Variants in CEP63 observed in about 807,000 individuals in gnomAD.
The protein encoded by CEP63 is centrosomal protein of 63 kDa.
In CEP63, 84 loss-of-function variants were observed where a neutral mutation model predicts 89.1. That is an observed-to-expected ratio of 0.94 (90% CI 0.79 to 1.13). The LOEUF is 1.13. Ranked by LOEUF, CEP63 falls within the 50% of genes most tolerant of loss-of-function variation. The pLI, the probability that CEP63 is intolerant of heterozygous loss-of-function variation, is 0.00. For missense variants in CEP63, 838 were observed against 813.3 expected (o/e 1.03, Z -0.37); for synonymous variants, 267 against 272.5 (o/e 0.98, Z 0.20).
the CEP63 span, among the ~76,000 whole-genome samples, chr3:134,755,375 A>C: frequency 2.6e-5 from 4 of 152,204 alleles, no homozygotes; most frequent in Non-Finnish European, 5.9e-5. Context: ...TCAGGTGATC[A>C]GCATCTCCGA....
intron 3 of CEP63, among the ~76,000 whole-genome samples, chr3:134,522,704 T>A (rs1369010153): frequency 6.6e-6 from 1 of 152,102 alleles, no homozygotes; most frequent in Non-Finnish European, 1.5e-5. Flanking sequence ...TAAGTGAGAA[T>A]ATGCGGTATT....
intron 6 of CEP63, among the ~76,000 whole-genome samples, chr3:134,544,064 G>T (rs1952647739): frequency 6.6e-6 from 1 of 151,970 alleles, no homozygotes; most frequent in South Asian, 2.1e-4. Flanking sequence ...TCTGGCTTAT[G>T]GGAAGTTTTT....
At position 134,537,222 on chromosome 3, in the gene CEP63, T is replaced by C; in HGVS notation, c.509T>C (p.Leu170Pro). Reference protein sequence around the residue: ...RLIYQQQVSSLEAQRKALAEQ... With the variant: ...RLIYQQQVSSPEAQRKALAEQ... The stretch of plus-strand genomic sequence containing the variant: ...ATTTATCAGCAACAGGTATCTTCAC[T>C]GGAGGCACAAAGGAAGGCTCTGGCT... Residue 170 changes from leucine (L) to proline (P), a missense_variant, in exon 6 of 15, where the codon CTG (leucine) becomes CCG (proline). Physicochemically the swap from Leu to Pro is moderately conservative, Grantham distance 98. Transcript: ENST00000675561. The C allele has an allele frequency of 1.2e-6, 2 of 1,613,954 alleles. No homozygotes were observed. The highest frequency in any genetic ancestry group is 2.7e-5 in the African/African-American group (2 of 75,048).
Position 134,534,353 on chromosome 3 carries a change from A to G in CEP63, c.441+1453A>G, listed in dbSNP as rs540886757. ...TTCCTTAGCTCTTGTCATTACCAAT[A>G]TATGCCACCCCTCTAGAATCTCATT... On this transcript the variant is annotated intron_variant, in intron 5 of 14. Coordinates refer to ENST00000675561, the MANE Select transcript of CEP63 (RefSeq NM_001353108.3). Among the ~76,000 whole-genome samples the G allele has an allele frequency of 3.3e-5, 5 of 152,296 alleles. No homozygotes were observed. The South Asian group carries it at 1.0e-3, about 32-fold the overall frequency.
the CEP63 span, among the ~76,000 whole-genome samples, chr3:134,672,966 A>G: frequency 6.6e-6 from 1 of 152,182 alleles, no homozygotes; most frequent in Admixed American, 6.5e-5. Flanking sequence ...TGAAGCTCCA[A>G]TCCTTGGTAG....
chr3:134,732,327 C>A, the CEP63 span, among the ~76,000 whole-genome samples: 5 of 152,060 alleles, frequency 3.3e-5, no homozygotes, highest in African/African-American at 1.2e-4. Flanking sequence ...GTAGAAGAAG[C>A]TAATAACAAA....
At chr3:134,674,413 C>A in the CEP63 span, among the ~76,000 whole-genome samples, 1 of 152,072 alleles carries the variant, frequency 6.6e-6, no homozygotes, top group African/African-American at 2.4e-5. Flanking sequence ...AAACACTCGA[C>A]AAACTAGGAA....
the CEP63 span, chr3:134,610,433 T>A: frequency 6.7e-7 from 1 of 1,500,726 alleles, no homozygotes; most frequent in Non-Finnish European, 9.1e-7. Context: ...GTGGCTTGCC[T>A]CCAAGTCTGT....
chr3:134,759,266 T>C, the CEP63 span, among the ~76,000 whole-genome samples: 20,230 of 152,238 alleles, frequency 0.13, 1,470 homozygotes, highest in Middle Eastern at 0.18. Flanking sequence ...CCCTATGCCT[T>C]ATTATAAGAT....
At chr3:134,607,690 CG>C in the CEP63 span, 1 of 985,744 alleles carries the variant, frequency 1.0e-6, no homozygotes, top group South Asian at 4.7e-5. Flanking sequence ...GGGCAGCCCC[CG>C]TATGCCTCAG....
chr3:134,519,483 C>G (rs1946985771), intron 3 of CEP63, among the ~76,000 whole-genome samples: 2 of 151,964 alleles, frequency 1.3e-5, no homozygotes, highest in East Asian at 3.9e-4. Context: ...TCTCTTGGGC[C>G]CAGTAGACTT....
the CEP63 span, chr3:134,608,341 G>A: frequency 1.5e-6 from 2 of 1,298,636 alleles, no homozygotes; most frequent in Admixed American, 2.5e-5. Flanking sequence ...GACATGCCAG[G>A]CTGTGTGTTC....
intron 3 of CEP63, among the ~76,000 whole-genome samples, chr3:134,513,136 G>A (rs1033024919): frequency 6.6e-6 from 1 of 152,166 alleles, no homozygotes; most frequent in Non-Finnish European, 1.5e-5. Flanking sequence ...TCAAGGATAG[G>A]TGTATAGCTG....
the CEP63 span, chr3:134,608,396 T>C: frequency 1.4e-6 from 2 of 1,443,370 alleles, no homozygotes; most frequent in Non-Finnish European, 1.8e-6. Context: ...ACACATCCCT[T>C]TCTGGGTTTA....
the CEP63 span, among the ~76,000 whole-genome samples, chr3:134,670,742 C>G: frequency 6.6e-6 from 1 of 152,212 alleles, no homozygotes; most frequent in South Asian, 2.1e-4. Flanking sequence ...TTGCTTATCA[C>G]AGCAGAGTTC....
chr3:134,607,707 G>A, the CEP63 span: 14 of 985,904 alleles, frequency 1.4e-5, no homozygotes, highest in East Asian at 1.1e-4. Flanking sequence ...CTCAGAGTGT[G>A]CAAACATACT....
At chr3:134,502,163 G>T (rs112921364) in intron 2 of CEP63, among the ~76,000 whole-genome samples, 2,465 of 152,234 alleles carry the variant, frequency 0.016, 57 homozygotes, top group African/African-American at 0.055. Flanking sequence ...AACCATCCTT[G>T]CATCCCAGGA....
At position 134,564,376 on chromosome 3, in the gene CEP63, C is replaced by G. The variant is rs1037633907; in HGVS notation, c.*2841C>G. The G allele has an allele frequency of 1.3e-5, 13 of 985,394 alleles. No individual in the cohort carries two copies. The highest frequency in any genetic ancestry group is 5.2e-4 in the Middle Eastern group (1 of 1,936). 61.0% of individuals were successfully genotyped at this position (985,394 alleles called of 1,614,324 possible). On this transcript the variant is annotated 3_prime_UTR_variant, in exon 15 of 15. Transcript: ENST00000675561. ...CTCCCCCTTTACTTGGCTACTTTAT[C>G]TGGCTTGGCAAAGCTTTCCCATATC...
At position 134,583,822 on chromosome 3, in the gene CEP63, T is replaced by A. The variant is rs192730904; in HGVS notation, c.1207-3636T>A. 3.1e-3 allele frequency among the ~76,000 whole-genome samples: 468 copies of A among 152,322 alleles called. 3 individuals carry two copies. The highest frequency in any genetic ancestry group is 5.5e-3 in the Non-Finnish European group (377 of 68,024). ...TCCTCCTATCCATGAGTATGGAATGTTCTTCCATTTGTTTGTGTCCTCTTT... is the reference window on the plus strand; with the variant it reads ...TCCTCCTATCCATGAGTATGGAATGATCTTCCATTTGTTTGTGTCCTCTTT... On this transcript the variant is annotated intron_variant, in intron 10 of 10. Transcript: ENST00000683931.
Sources: gnomAD v4.1 joint callset for allele counts (sites outside exome capture counted in the v4.1 genomes callset) on GRCh38, gnomAD v4.1.1 for gene constraint, MANE v1.5 for transcripts, NCBI Gene and HGNC (gene_info 2026-07-23, HGNC 2026-07-21) for gene names.